ZBBX: variants seen among roughly 807,000 people sequenced by gnomAD.
ZBBX encodes the protein zinc finger B-box domain containing, also known as zinc finger B-box domain-containing protein 1.
A neutral mutation model predicts 108.5 loss-of-function variants in ZBBX; 101 were observed. That is an observed-to-expected ratio of 0.93 (90% CI 0.79 to 1.10). The LOEUF is 1.10. Among genes scored for constraint, ZBBX ranks in the 50% least tolerant of loss-of-function variants. The probability of loss-of-function intolerance (pLI) is 0.00; values close to 1 mark genes in which losing one functional copy is unlikely to be tolerated. For synonymous variants in ZBBX, 356 were observed against 323.4 expected (o/e 1.10, Z -1.08); for missense variants, 1,009 against 941.4 (o/e 1.07, Z -0.94).
chr3:167,372,367 CAGTA>C (rs1373940113), intron 4 of ZBBX, among the ~76,000 whole-genome samples: 1 of 152,138 alleles, frequency 6.6e-6, no homozygotes, highest in Non-Finnish European at 1.5e-5. Context: ...CCCAGGATGC[CAGTA>C]ATTGTTTGGC....
chr3:167,348,314 G>GAGAAAGAAAGAAAGAAAGAAAGAAAGAA (rs71176641), intron 9 of ZBBX, among the ~76,000 whole-genome samples: 1 of 65,592 alleles, frequency 1.5e-5, no homozygotes. Context: ...GAGAAAGAAA[G>GAGAAAGAAAGAAAGAAAGAAAGAAAGAA]AGAAAGAAAG....
At chr3:167,226,090 A>G in the ZBBX span, among the ~76,000 whole-genome samples, 2 of 151,514 alleles carry the variant, frequency 1.3e-5, no homozygotes, top group Admixed American at 6.6e-5. Context: ...ATTAAAAAAA[A>G]AAAAAGAAAA....
chr3:167,277,883 A>C (rs1353446700), intron 20 of ZBBX, among the ~76,000 whole-genome samples: 3 of 152,008 alleles, frequency 2.0e-5, no homozygotes, highest in Non-Finnish European at 4.4e-5. Flanking sequence ...AAAGAACAGA[A>C]ATTATAACAA....
chr3:167,348,428 G>A (rs1742071427), intron 9 of ZBBX, among the ~76,000 whole-genome samples: 1 of 50,124 alleles, frequency 2.0e-5, no homozygotes, highest in Non-Finnish European at 4.1e-5. Flanking sequence ...AGAGAAGAGG[G>A]AGAGAGAAAG....
intron 17 of ZBBX, among the ~76,000 whole-genome samples, chr3:167,302,800 T>C (rs180897616): frequency 5.3e-5 from 8 of 152,258 alleles, no homozygotes; most frequent in Admixed American, 3.9e-4. Context: ...TCACAGGACA[T>C]CATGAAGAGA....
At chr3:167,314,157 A>C in intron 15 of ZBBX, 41 bp from the exon 16 acceptor site, 1 of 1,514,586 alleles carries the variant, frequency 6.6e-7, no homozygotes, top group African/African-American at 1.4e-5. Flanking sequence ...GAGTTGAAAA[A>C]ATGATTTTAA....
intron 1 of ZBBX, among the ~76,000 whole-genome samples, chr3:167,406,843 G>A (rs985656960): frequency 1.3e-5 from 2 of 152,130 alleles, no homozygotes; most frequent in African/African-American, 4.8e-5. Context: ...TGAAAATGGG[G>A]GAAGAAATGG....
chr3:167,354,298 C>T (rs1743166539), intron 8 of ZBBX, among the ~76,000 whole-genome samples: 1 of 151,706 alleles, frequency 6.6e-6, no homozygotes, highest in Admixed American at 6.6e-5. Flanking sequence ...TGTTTTTACA[C>T]ATCATAAAGT....
At chr3:167,271,515 A>G (rs1459436566) in intron 20 of ZBBX, among the ~76,000 whole-genome samples, 1 of 152,202 alleles carries the variant, frequency 6.6e-6, no homozygotes, top group Non-Finnish European at 1.5e-5. Flanking sequence ...GAAAATGGGT[A>G]TTACCAGACC....
At position 167,377,902 on chromosome 3, in the gene ZBBX, C is replaced by A. The variant is rs139307598; in HGVS notation, c.-132+1736G>T. On this transcript the variant is annotated intron_variant, in intron 2 of 21. Transcript: ENST00000675490. ...AATTCCCACATGTGGTGGGAGGGCC[C>A]TGGTAGGAGATAATTGAATCATGGG... 4.1e-3 allele frequency among the ~76,000 whole-genome samples: 629 copies of A among 152,180 alleles called. 5 individuals are homozygous for A. Among genetic ancestry groups the A allele is most frequent in the African/African-American group, 0.014 (589 of 41,524 alleles).
chr3:167,345,382 A>C (rs1424325008), intron 9 of ZBBX, among the ~76,000 whole-genome samples: 1 of 151,940 alleles, frequency 6.6e-6, no homozygotes, highest in Admixed American at 6.6e-5. Context: ...AGTATAAGGA[A>C]TATGCATTAT....
chr3:167,204,653 T>G, the ZBBX span, among the ~76,000 whole-genome samples: 10 of 150,338 alleles, frequency 6.7e-5, no homozygotes, highest in African/African-American at 2.5e-4. Flanking sequence ...GTTGGACATT[T>G]GGGTTGGTTC....
intron 1 of ZBBX, among the ~76,000 whole-genome samples, chr3:167,394,993 A>G (rs988538082): frequency 2.6e-5 from 4 of 152,052 alleles, no homozygotes; most frequent in African/African-American, 4.8e-5. Context: ...GAGCCATGGA[A>G]GGAAATAGAG....
chr3:167,394,588 G>T (rs935833965), intron 1 of ZBBX, among the ~76,000 whole-genome samples: 1 of 151,754 alleles, frequency 6.6e-6, no homozygotes, highest in African/African-American at 2.4e-5. Flanking sequence ...AGAGAGGTAA[G>T]AATCTAATAT....
intron 10 of ZBBX, among the ~76,000 whole-genome samples, chr3:167,331,026 G>A (rs1239656249): frequency 2.8e-5 from 4 of 143,022 alleles, no homozygotes; most frequent in Non-Finnish European, 4.5e-5. Flanking sequence ...AACACAGCAA[G>A]AAGGCAGCCA....
chr3:167,351,299 G>C (rs1742602460), intron 8 of ZBBX, among the ~76,000 whole-genome samples: 1 of 152,072 alleles, frequency 6.6e-6, no homozygotes, highest in Non-Finnish European at 1.5e-5. Flanking sequence ...AAAGAGAAAA[G>C]GAAATGGAAA....
At chr3:167,223,106 A>G in the ZBBX span, among the ~76,000 whole-genome samples, 18 of 151,976 alleles carry the variant, frequency 1.2e-4, no homozygotes, top group African/African-American at 4.3e-4. Flanking sequence ...CCAGCAGTAG[A>G]TCCTGATTTC....
chr3:167,274,540 G>A (rs1487635339), intron 20 of ZBBX, among the ~76,000 whole-genome samples: 1 of 152,176 alleles, frequency 6.6e-6, no homozygotes, highest in Non-Finnish European at 1.5e-5. Context: ...ATCTTTCTGA[G>A]TTTCTTTTCA....
intron 9 of ZBBX, among the ~76,000 whole-genome samples, chr3:167,338,525 TC>T (rs1226090261): frequency 8.4e-6 from 1 of 118,982 alleles, no homozygotes; most frequent in Non-Finnish European, 1.7e-5. Flanking sequence ...CCTTAAGTGA[TC>T]CAGAAGTTCC....
Sources: gnomAD v4.1 joint callset for allele counts (sites outside exome capture counted in the v4.1 genomes callset) on GRCh38, gnomAD v4.1.1 for gene constraint, MANE v1.5 for transcripts, NCBI Gene and HGNC (gene_info 2026-07-23, HGNC 2026-07-21) for gene names.